Variants in HIRIP3 observed in about 807,000 individuals in gnomAD.
The protein encoded by HIRIP3 is HIRA-interacting protein 3.
HIRIP3 carries 40 observed loss-of-function variants against 50.3 expected under a neutral mutation model. The ratio of observed to expected loss-of-function variants is 0.79; its 90% CI spans 0.62 to 1.03. HIRIP3 has a LOEUF of 1.03. Ranked by LOEUF, HIRIP3 falls within the 50% of genes least tolerant of loss-of-function variation. The pLI, the probability that HIRIP3 is intolerant of heterozygous loss-of-function variation, is 0.00. For synonymous variants in HIRIP3, 318 were observed against 261.6 expected (o/e 1.22, Z -2.08); for missense variants, 765 against 705.4 (o/e 1.08, Z -0.96).
Position 29,994,785 on chromosome 16 carries a change from C to T in HIRIP3, c.360G>A (p.Val120=). ...CTTTGGCTGGGCTGACTTCTGCTGC[C>T]ACCCCATTCTTTGCTGGGGGTCCAA... ...DYFGPPAKNG[V]AAEVSPAKEE... The change falls in exon 4 of 7, where the codon GTG becomes GTA. Residue 120 remains valine, a synonymous_variant. Transcript: ENST00000279392. The T allele has an allele frequency of 6.2e-7, 1 of 1,614,096 alleles. No individual in the cohort carries two copies. The highest frequency in any genetic ancestry group is 8.5e-7 in the Non-Finnish European group (1 of 1,179,998).
chr16:29,995,516 A>AC (rs1331055320), intron 1 of HIRIP3, 25 bp downstream of exon 1: 1 of 1,613,428 alleles, frequency 6.2e-7, no homozygotes, highest in Admixed American at 1.7e-5. Flanking sequence ...GCCCTTTCCA[A>AC]CCCCATCTCC....
At chr16:29,993,580 TTCTC>T (rs1203990448) in intron 5 of HIRIP3, 23 bp from the exon 6 acceptor site, 10 of 1,612,200 alleles carry the variant, frequency 6.2e-6, no homozygotes, top group South Asian at 1.1e-5. Flanking sequence ...AAGCTGGTGA[TTCTC>T]TCCTCCCCAG....
In HIRIP3 at chr16:29,994,003, T is replaced by C; in HGVS notation, c.1142A>G (p.Glu381Gly). 2 of 1,590,042 alleles carry C rather than the reference T, an allele frequency of 1.3e-6. No homozygotes were observed. The highest frequency in any genetic ancestry group is 1.7e-6 in the Non-Finnish European group (2 of 1,168,592). ...CTTCTTGGAAGAGCGGTTCTTCCTC[T>C]CCCCCTGGGGGCCTCCCCCTGCCTC... ...DSEAGGGPQG[E>G]RKNRSSKKSS... Residue 381 changes from glutamate to glycine, a missense_variant, in exon 4 of 7, where the codon GAG (glutamate) becomes GGG (glycine). Transcript: ENST00000279392.
chr16:29,994,043 C>T lies in HIRIP3; in HGVS notation c.1102G>A (p.Glu368Lys), dbSNP rs768481459. The T allele has an allele frequency of 6.8e-6, 11 of 1,611,984 alleles. No homozygotes were observed. Among genetic ancestry groups the T allele is most frequent in the Non-Finnish European group, 8.5e-6 (10 of 1,178,788 alleles). Residue 368 changes from glutamate to lysine, a missense_variant, in exon 4 of 7, where the codon GAG becomes AAG. Glu to Lys is a moderately conservative substitution (Grantham distance 56, BLOSUM62 1). Coordinates refer to ENST00000279392, the MANE Select transcript of HIRIP3 (RefSeq NM_003609.5). ...TSGEESDLER[E>K]VSDSEAGGGP... Reference sequence around the variant, plus strand: ...CCCCCTGCCTCGCTGTCACTTACCTCCCTCTCCAAGTCACTTTCCTCACCA... The same window carrying T: ...CCCCCTGCCTCGCTGTCACTTACCTTCCTCTCCAAGTCACTTTCCTCACCA...
chr16:29,993,545 A>T lies in HIRIP3; in HGVS notation c.1421T>A (p.Leu474Gln). The stretch of plus-strand genomic sequence containing the variant: ...CTCCTTCAGGGCCCGACACTTCCCT[A>T]GGGAAGGGGTACCTGGGGCAGAAGA... ...EALGMKGTPS[L>Q]GKCRALKEQR... The change falls in exon 6 of 7, where the codon CTA (leucine) becomes CAA (glutamine). Residue 474 changes from leucine to glutamine, a missense_variant. Coordinates refer to ENST00000279392, the MANE Select transcript of HIRIP3 (RefSeq NM_003609.5). The T allele has an allele frequency of 6.2e-7, 1 of 1,613,580 alleles. No individual in the cohort carries two copies. The highest frequency in any genetic ancestry group is 8.5e-7 in the Non-Finnish European group (1 of 1,179,666).
In HIRIP3 at chr16:29,995,111, G is replaced by T. The variant is rs2070059065; in HGVS notation, c.293C>A (p.Ser98Ter). The T allele has an allele frequency of 6.2e-7, 1 of 1,614,002 alleles. No individual in the cohort carries two copies. Among genetic ancestry groups the T allele is most frequent in the Non-Finnish European group, 8.5e-7 (1 of 1,179,952 alleles). Residue 98 changes from serine (S) to a stop codon, truncating the protein, a stop_gained, in exon 3 of 7, where the codon TCA (serine) becomes TAA (stop). Transcript: ENST00000279392. LOFTEE classifies it high-confidence loss of function. ...AGGGAGGAAGCACTAACCCGACTCT[G>T]AATTGAAGCGGAACCTTTTTCTCTC... Reference protein sequence around the residue: ...DPERKRFRFNSESESGSEASS... With the variant: ...DPERKRFRFN
chr16:29,995,317 G>C, intron 2 of HIRIP3, 26 bp downstream of exon 2: 5 of 1,608,616 alleles, frequency 3.1e-6, no homozygotes, highest in African/African-American at 1.3e-5. Flanking sequence ...TCCGCCTCCC[G>C]CGGCCCAGGC....
chr16:29,992,984 A>C lies in HIRIP3; in HGVS notation c.*223T>G. ...AAAATACAGGAGGTGAGAATGGGGG[A>C]CCAAATTTGATGAGGTGATTAAAAA... On this transcript the variant is annotated 3_prime_UTR_variant, in exon 7 of 7. Coordinates refer to ENST00000279392, the MANE Select transcript of HIRIP3 (RefSeq NM_003609.5). 12 of 382,040 alleles carry C rather than the reference A, an allele frequency of 3.1e-5. No individual in the cohort carries two copies. Among genetic ancestry groups the C allele is most frequent in the Admixed American group, 4.3e-5 (1 of 23,038 alleles). 23.7% of individuals were successfully genotyped at this position (382,040 alleles called of 1,614,324 possible).
intron 3 of HIRIP3, 71 bp downstream of exon 3, chr16:29,995,032 G>A (rs2070056373): frequency 1.3e-6 from 2 of 1,521,564 alleles, no homozygotes; most frequent in African/African-American, 2.7e-5. Context: ...GGACATAAGA[G>A]ATGCGCAGTG....
In HIRIP3 at chr16:29,995,158, A is replaced by G; in HGVS notation, c.246T>C (p.Pro82=). ...KLDLTKKGKR[P]PTPCSDPERK... is the part of the protein sequence containing the mutation. Reference sequence around the variant, plus strand: ...TCTCCGGGTCGCTACAAGGGGTGGGAGGCCTCTTGCCCTTCTTGGTAAGGT... The same window carrying G: ...TCTCCGGGTCGCTACAAGGGGTGGGGGGCCTCTTGCCCTTCTTGGTAAGGT... Residue 82 remains proline, a synonymous_variant, in exon 3 of 7, where the codon CCT becomes CCC. Coordinates refer to ENST00000279392, the MANE Select transcript of HIRIP3 (RefSeq NM_003609.5). 3 of 1,614,230 alleles carry G rather than the reference A, an allele frequency of 1.9e-6. No homozygotes were observed. Among genetic ancestry groups the G allele is most frequent in the Non-Finnish European group, 1.7e-6 (2 of 1,180,036 alleles).
rs554496381 is a variant in HIRIP3 at position 29,994,582 on chromosome 16, C to G, written c.563G>C (p.Ser188Thr). The change falls in exon 4 of 7, where the codon AGT (serine) becomes ACT (threonine). Residue 188 changes from serine to threonine, a missense_variant. Coordinates refer to ENST00000279392, the MANE Select transcript of HIRIP3 (RefSeq NM_003609.5). ...KKQAPGKASV[S>T]RKQAREESEE... ...ACTTTCTTCCCTGGCCTGCTTCCTA[C>G]TGACTGAGGCCTTGCCTGGTGCCTG... 8 of 1,614,074 alleles carry G rather than the reference C, an allele frequency of 5.0e-6. No individual in the cohort carries two copies. The highest frequency in any genetic ancestry group is 6.8e-6 in the Non-Finnish European group (8 of 1,180,030).
At position 29,994,619 on chromosome 16, in the gene HIRIP3, C is replaced by G. The variant is rs1411625907; in HGVS notation, c.526G>C (p.Val176Leu). ...TTGCCTGGTGCCTGCTTCTTTACCA[C>G]AGGTTTCTTCCTAGTCTTCCCCTTG... ...GYKGKTRKKP[V>L]VKKQAPGKAS... Residue 176 changes from valine (V) to leucine (L), a missense_variant, in exon 4 of 7, where the codon GTG becomes CTG. Coordinates refer to ENST00000279392, the MANE Select transcript of HIRIP3 (RefSeq NM_003609.5). The G allele has an allele frequency of 4.3e-6, 7 of 1,614,032 alleles. No homozygotes were observed. Among genetic ancestry groups the G allele is most frequent in the Non-Finnish European group, 5.9e-6 (7 of 1,180,026 alleles).
chr16:29,992,883 GA>G lies in HIRIP3; in HGVS notation c.*323del. ...GTCTGGAGGCAGGGACTTCTTCCAGGAACCCGGGGGAAATTAAAGGGAACCA... is the reference window on the plus strand; with the variant it reads ...GTCTGGAGGCAGGGACTTCTTCCAGGACCCGGGGGAAATTAAAGGGAACCA... On this transcript the variant is annotated 3_prime_UTR_variant, in exon 7 of 7. Transcript: ENST00000279392. 4.6e-6 allele frequency: 1 copy of G among 215,634 alleles called. No homozygotes were observed. Among genetic ancestry groups the G allele is most frequent in the African/African-American group, 2.3e-5 (1 of 43,956 alleles). The allele number at this position is 215,634 out of a possible 1,614,324, so 13.4% of individuals were successfully genotyped here. A position where few individuals can be genotyped will look rare whatever the true frequency, so the allele number is the denominator to read the frequency against.
In HIRIP3 at chr16:29,993,325, G is replaced by A; in HGVS notation, c.1553C>T (p.Ala518Val). The A allele has an allele frequency of 6.5e-7, 1 of 1,539,136 alleles. No homozygotes were observed. The highest frequency in any genetic ancestry group is 8.8e-7 in the Non-Finnish European group (1 of 1,140,424). Reference protein sequence around the residue: ...RTAWNPLGEAAPPGELYRRTL... With the variant: ...RTAWNPLGEAVPPGELYRRTL... ...CCGTCGGTACAGCTCCCCTGGGGGTGCTGCTTCTCCTAAAGGGTTCCAGGC... is the reference window on the plus strand; with the variant it reads ...CCGTCGGTACAGCTCCCCTGGGGGTACTGCTTCTCCTAAAGGGTTCCAGGC... Residue 518 changes from alanine (A) to valine (V), a missense_variant, in exon 7 of 7, where the codon GCA becomes GTA. Physicochemically the swap from Ala to Val is moderately conservative, Grantham distance 64 (BLOSUM62 0). Coordinates refer to ENST00000279392, the MANE Select transcript of HIRIP3 (RefSeq NM_003609.5).
Position 29,994,787 on chromosome 16 carries a change from C to A in HIRIP3, c.358G>T (p.Val120Leu), listed in dbSNP as rs753246552. ...DYFGPPAKNG[V>L]AAEVSPAKEE... ...TTGGCTGGGCTGACTTCTGCTGCCACCCCATTCTTTGCTGGGGGTCCAAAG... is the reference window on the plus strand; with the variant it reads ...TTGGCTGGGCTGACTTCTGCTGCCAACCCATTCTTTGCTGGGGGTCCAAAG... The change falls in exon 4 of 7, where the codon GTG becomes TTG. Residue 120 changes from valine (V) to leucine (L), a missense_variant. Transcript: ENST00000279392. 2.5e-6 allele frequency: 4 copies of A among 1,613,990 alleles called. No homozygotes were observed. The East Asian group carries it at 8.9e-5, about 36-fold the overall frequency.
In HIRIP3 at chr16:29,993,317, CT is replaced by C. The variant is rs2070009246; in HGVS notation, c.1560del (p.Glu522SerfsTer99). The stretch of plus-strand genomic sequence containing the variant: ...TCCAGGGTCCGTCGGTACAGCTCCC[CT>C]GGGGGTGCTGCTTCTCCTAAAGGGT... ...AWNPLGEAAP[P>X]GELYRRTLDS... On this transcript the variant is annotated frameshift_variant, in exon 7 of 7. Coordinates refer to ENST00000279392, the MANE Select transcript of HIRIP3 (RefSeq NM_003609.5). LOFTEE classifies it high-confidence loss of function. 1 of 1,540,778 alleles carries C rather than the reference CT, an allele frequency of 6.5e-7. No individual in the cohort carries two copies. The highest frequency in any genetic ancestry group is 8.8e-7 in the Non-Finnish European group (1 of 1,141,344).
At chr16:29,993,873 T>C in intron 4 of HIRIP3, 33 bp downstream of exon 4, 2 of 1,597,752 alleles carry the variant, frequency 1.3e-6, no homozygotes, top group Non-Finnish European at 1.7e-6. Context: ...CCCTCTTCCC[T>C]AATAGTGGCC....
chr16:29,993,102 GCA>G lies in HIRIP3; in HGVS notation c.*103_*104del. The G allele has an allele frequency of 9.7e-7, 1 of 1,035,834 alleles. No homozygotes were observed. The highest frequency in any genetic ancestry group is 1.4e-6 in the Non-Finnish European group (1 of 740,006). The allele number at this position is 1,035,834 out of a possible 1,614,324, so 64.2% of individuals were successfully genotyped here. ...CCAACAGCTTGTGTCCTTGGGAGCT[GCA>G]GTCTTCTCTGAAGGAAGCTGCTTCT... On this transcript the variant is annotated 3_prime_UTR_variant, in exon 7 of 7. Transcript: ENST00000279392.
chr16:29,994,840 G>A lies in HIRIP3; in HGVS notation c.305C>T (p.Ser102Phe), dbSNP rs1286209641. Residue 102 changes from serine (S) to phenylalanine (F), a missense_variant, in exon 4 of 7, where the codon TCC (serine) becomes TTC (phenylalanine). Physicochemically the swap from Ser to Phe is radical, Grantham distance 155. Coordinates refer to ENST00000279392, the MANE Select transcript of HIRIP3 (RefSeq NM_003609.5). Reference sequence around the variant, plus strand: ...GTCTGGGCTGGAGGCTTCAGAGCCGGACTCTGGAATATGGAGAGGAGAGAG... The same window carrying A: ...GTCTGGGCTGGAGGCTTCAGAGCCGAACTCTGGAATATGGAGAGGAGAGAG... ...KRFRFNSESE[S>F]GSEASSPDYF... 1 of 1,603,964 alleles carries A rather than the reference G, an allele frequency of 6.2e-7. No homozygotes were observed. The highest frequency in any genetic ancestry group is 8.5e-7 in the Non-Finnish European group (1 of 1,175,196).
Sources: allele counts gnomAD v4.1 joint callset, GRCh38; gene constraint gnomAD v4.1.1; transcripts MANE v1.5; gene names NCBI Gene and HGNC (gene_info 2026-07-23, HGNC 2026-07-21).